Variants in NDP observed in about 807,000 individuals in gnomAD.
The protein encoded by NDP is norrin.
A neutral mutation model predicts 8.4 loss-of-function variants in NDP; 2 were observed. That is an observed-to-expected ratio of 0.24 (90% CI 0.10 to 0.75). The LOEUF is 0.75. Ranked by LOEUF, NDP falls within the 30% of genes least tolerant of loss-of-function variation. The pLI, the probability that NDP is intolerant of heterozygous loss-of-function variation, is 0.73. For missense variants in NDP, 81 were observed against 110.1 expected, an observed-to-expected ratio of 0.74 and a Z score of 1.18; for synonymous variants, 55 against 45.6, an observed-to-expected ratio of 1.21 and a Z score of -0.83.
At chrX:43,969,441 C>A (rs1302610676) in intron 1 of NDP, 1 of 112,228 alleles carries the variant, frequency 8.9e-6, no homozygotes, top group Non-Finnish European at 1.9e-5. Context: ...AGAGAATAAC[C>A]ACATTTCTCT....
chrX:43,969,559 G>C (rs2035878735), intron 1 of NDP: 1 of 112,692 alleles, frequency 8.9e-6, no homozygotes, highest in East Asian at 2.8e-4. Flanking sequence ...TGCCAACCCG[G>C]TCACTCCAGC....
intron 1 of NDP, among the ~76,000 whole-genome samples, chrX:43,972,016 C>T (rs1198103124): frequency 1.8e-5 from 2 of 112,036 alleles, no homozygotes; most frequent in African/African-American, 6.5e-5. Flanking sequence ...ATTTGGTTGA[C>T]ACCCACAGCA....
intron 1 of NDP, chrX:43,969,338 G>C (rs1490384241): frequency 8.9e-6 from 1 of 111,918 alleles, no homozygotes; most frequent in Admixed American, 9.5e-5. Flanking sequence ...TGGGGAGGGA[G>C]GGATGTGGGA....
Position 43,958,534 on chromosome X carries a change from G to T in NDP, c.112C>A (p.Arg38Ser), listed in dbSNP as rs758550101. The change falls in exon 2 of 3, where the codon CGC becomes AGC. Residue 38 changes from arginine (R) to serine (S), a missense_variant. By Grantham distance (110) the Arg-to-Ser change is moderately radical. Coordinates refer to ENST00000642620, the MANE Select transcript of NDP (RefSeq NM_000266.4). ...TCCACATAGTGGTGCCTCATGCAGC[G>T]TCGAGGGTCCGAGTCCATTATGAAT... ...SSFIMDSDPR[R>S]CMRHHYVDSI... 1 of 1,211,708 alleles carries T rather than the reference G, an allele frequency of 8.3e-7. No individual in the cohort carries two copies. The highest frequency in any genetic ancestry group is 1.8e-5 in the South Asian group (1 of 57,025).
chrX:43,950,161 A>AT lies in NDP; in HGVS notation c.175-136dup, dbSNP rs112297052. 8.3e-3 allele frequency: 4,541 copies of AT among 547,378 alleles called. 109 individuals are homozygous for AT. Among genetic ancestry groups the AT allele is most frequent in the African/African-American group, 0.08 (3,489 of 43,362 alleles). The allele number at this position is 547,378 out of a possible 1,213,427, so 45.1% of individuals were successfully genotyped here. Reference sequence around the variant, plus strand: ...AGACCAGTGGCTCAATGCATGTTGCATTTTTTTTAAGTCAACACCCAGGCC... The same window carrying AT: ...AGACCAGTGGCTCAATGCATGTTGCATTTTTTTTTAAGTCAACACCCAGGCC... On this transcript the variant is annotated intron_variant, in intron 2 of 2. Transcript: ENST00000642620.
intron 1 of NDP, 119 bp from the exon 2 acceptor site, chrX:43,958,971 A>G: frequency 3.6e-6 from 1 of 276,253 alleles, no homozygotes; most frequent in East Asian, 8.5e-5. Flanking sequence ...ATTGGTTTCT[A>G]GAGCGTCATT....
In NDP at chrX:43,968,317, G is replaced by T. The variant is rs763190311; in HGVS notation, c.-208+4987C>A. On this transcript the variant is annotated intron_variant, in intron 1 of 2. Coordinates refer to ENST00000642620, the MANE Select transcript of NDP (RefSeq NM_000266.4). Reference sequence around the variant, plus strand: ...CATGAATGGTGACAAGCAAATGACTGCCAGAGACACAAGAAAAAAGCTTTG... The same window carrying T: ...CATGAATGGTGACAAGCAAATGACTTCCAGAGACACAAGAAAAAAGCTTTG... Among the ~76,000 whole-genome samples, 5 of 112,267 alleles carry T rather than the reference G, an allele frequency of 4.5e-5. No homozygotes were observed. The South Asian group carries it at 1.5e-3, about 33-fold the overall frequency.
intron 2 of NDP, among the ~76,000 whole-genome samples, chrX:43,951,024 A>G (rs1355367440): frequency 9.0e-6 from 1 of 110,990 alleles, no homozygotes; most frequent in African/African-American, 3.3e-5. Context: ...TAATCCTAAT[A>G]TCAAGGTGGG....
intron 1 of NDP, among the ~76,000 whole-genome samples, 195 bp downstream of exon 1, chrX:43,973,109 G>A (rs2035900848): frequency 8.9e-6 from 1 of 112,805 alleles, no homozygotes; most frequent in Non-Finnish European, 1.9e-5. Context: ...GAGGCTCCCT[G>A]CTCTGTCACA....
intron 1 of NDP, among the ~76,000 whole-genome samples, chrX:43,959,222 C>G (rs1291140137): frequency 9.0e-6 from 1 of 111,573 alleles, no homozygotes; most frequent in Non-Finnish European, 1.9e-5. Context: ...GCGGGAGGGT[C>G]TATTCAGTTT....
At position 43,973,325 on chromosome X, in the gene NDP, T is replaced by C. The variant is rs190899832; in HGVS notation, c.-229A>G. 1 of 111,909 alleles carries C rather than the reference T, an allele frequency of 8.9e-6. No homozygotes were observed. Among genetic ancestry groups the C allele is most frequent in the Admixed American group, 9.4e-5 (1 of 10,594 alleles). The allele number at this position is 111,909 out of a possible 1,213,427, so 9.2% of individuals were successfully genotyped here. ...TTACCTTAGGGGAACGCAGGGCTCC[T>C]TTCTTCTCAGACTTTTCTGAGAGCT... is the stretch of plus-strand genomic sequence containing the variant. On this transcript the variant is annotated 5_prime_UTR_variant, in exon 1 of 3. Coordinates refer to ENST00000642620, the MANE Select transcript of NDP (RefSeq NM_000266.4).
intron 1 of NDP, among the ~76,000 whole-genome samples, chrX:43,972,960 T>C (rs983731954): frequency 8.9e-6 from 1 of 112,900 alleles, no homozygotes; most frequent in Non-Finnish European, 1.9e-5. Flanking sequence ...TGAATCCATG[T>C]TGGCAAGTTG....
intron 1 of NDP, among the ~76,000 whole-genome samples, chrX:43,963,082 C>T (rs956773031): frequency 1.8e-5 from 2 of 112,288 alleles, no homozygotes; most frequent in East Asian, 5.6e-4. Flanking sequence ...TCTTGCCTTG[C>T]TTGCCAGGCA....
chrX:43,968,408 G>C (rs2035870818), intron 1 of NDP, among the ~76,000 whole-genome samples: 2 of 112,756 alleles, frequency 1.8e-5, no homozygotes, highest in Admixed American at 1.9e-4. Context: ...CAACTCAACT[G>C]TGTGGGTGTG....
At chrX:43,963,258 C>T (rs898058866) in intron 1 of NDP, among the ~76,000 whole-genome samples, 1 of 111,874 alleles carries the variant, frequency 8.9e-6, no homozygotes, top group East Asian at 2.8e-4. Flanking sequence ...GAGATAGGGT[C>T]AGGGGAAAAA....
In NDP at chrX:43,949,881, C is replaced by T; in HGVS notation, c.320G>A (p.Arg107Gln). ...TCGCATGCCCCCTGAGCATCGCAGC[C>T]GCAGTGCCTTCAGCTTGGAAGTCTG... The part of the protein sequence containing the change: ...RPQTSKLKAL[R>Q]LRCSGGMRLT... The change falls in exon 3 of 3, where the codon CGG becomes CAG. Residue 107 changes from arginine to glutamine, a missense_variant. Arg to Gln is a conservative substitution (Grantham distance 43, BLOSUM62 1). Transcript: ENST00000642620. 1 of 1,197,813 alleles carries T rather than the reference C, an allele frequency of 8.3e-7. No homozygotes were observed. Among genetic ancestry groups the T allele is most frequent in the Non-Finnish European group, 1.1e-6 (1 of 888,663 alleles).
chrX:43,968,749 G>A (rs961529525), intron 1 of NDP, among the ~76,000 whole-genome samples: 1 of 112,351 alleles, frequency 8.9e-6, no homozygotes, highest in African/African-American at 3.2e-5. Context: ...TCTAGCCTAG[G>A]GACTTGTATG....
chrX:43,963,290 C>G (rs1007649615), intron 1 of NDP, among the ~76,000 whole-genome samples: 10 of 111,790 alleles, frequency 8.9e-5, no homozygotes, highest in East Asian at 2.8e-4. Flanking sequence ...TCCTCGATCC[C>G]TCTTCTAGCT....
chrX:43,955,316 G>A (rs762157467), intron 2 of NDP, among the ~76,000 whole-genome samples: 4 of 111,989 alleles, frequency 3.6e-5, no homozygotes, highest in Admixed American at 9.4e-5. Context: ...GCTGGACACC[G>A]CTGGATGCTT....
Sources: allele counts gnomAD v4.1 joint callset (sites outside exome capture counted in the v4.1 genomes callset), GRCh38; gene constraint gnomAD v4.1.1; transcripts MANE v1.5; gene names NCBI Gene and HGNC (gene_info 2026-07-23, HGNC 2026-07-21).